LHFPL4: variants seen among roughly 807,000 people sequenced by gnomAD.
LHFPL4 encodes the protein LHFPL tetraspan subfamily member 4, also known as LHFPL tetraspan subfamily member 4 protein.
In LHFPL4, 6 loss-of-function variants were observed where a neutral mutation model predicts 20.0. The ratio of observed to expected loss-of-function variants is 0.30; its 90% CI spans 0.16 to 0.59. The LOEUF (loss-of-function observed/expected upper bound fraction) is 0.59. Ranked by LOEUF, LHFPL4 falls within the 20% of genes least tolerant of loss-of-function variation. LHFPL4 has a pLI of 0.88. For missense variants in LHFPL4, 215 were observed against 331.2 expected (o/e 0.65, Z 2.72); for synonymous variants, 129 against 143.8 (o/e 0.90, Z 0.74).
At chr3:9,508,276 T>C (rs1294489555) in intron 2 of LHFPL4, among the ~76,000 whole-genome samples, 1 of 151,992 alleles carries the variant, frequency 6.6e-6, no homozygotes, top group East Asian at 1.9e-4. Flanking sequence ...CCCCAACACG[T>C]GCTCCTCTTC....
intron 2 of LHFPL4, among the ~76,000 whole-genome samples, chr3:9,543,729 G>GTTTTTTTTTTT (rs58872967): frequency 2.5e-5 from 3 of 119,650 alleles, no homozygotes; most frequent in East Asian, 2.5e-4. Flanking sequence ...TTTGGTTTTG[G>GTTTTTTTTTTT]TTTTTTTTTT....
chr3:9,535,975 T>A (rs1178663603), intron 2 of LHFPL4, among the ~76,000 whole-genome samples: 1 of 152,190 alleles, frequency 6.6e-6, no homozygotes, highest in Non-Finnish European at 1.5e-5. Context: ...CTAATTTTTG[T>A]ATTTTTTTAG....
At chr3:9,509,244 C>CCA (rs2046241414) in intron 2 of LHFPL4, among the ~76,000 whole-genome samples, 4 of 146,320 alleles carry the variant, frequency 2.7e-5, no homozygotes, top group African/African-American at 1.0e-4. Context: ...TCTTCGCACC[C>CCA]CCCTCTCTCT....
At chr3:9,532,721 C>T (rs930533534) in intron 2 of LHFPL4, among the ~76,000 whole-genome samples, 1 of 152,202 alleles carries the variant, frequency 6.6e-6, no homozygotes, top group Non-Finnish European at 1.5e-5. Flanking sequence ...AGTTGCCCCT[C>T]TGTGCATGAC....
intron 2 of LHFPL4, among the ~76,000 whole-genome samples, chr3:9,519,912 G>A (rs567315376): frequency 6.6e-6 from 1 of 152,096 alleles, no homozygotes; most frequent in Non-Finnish European, 1.5e-5. Context: ...TCCTACTTTG[G>A]CCTCCCAAAG....
intron 2 of LHFPL4, among the ~76,000 whole-genome samples, chr3:9,540,011 C>T (rs1359124659): frequency 6.6e-6 from 1 of 152,208 alleles, no homozygotes; most frequent in African/African-American, 2.4e-5. Context: ...GGGAGTGTAA[C>T]TTTGTACAAC....
intron 2 of LHFPL4, among the ~76,000 whole-genome samples, chr3:9,520,767 C>G (rs2046332412): frequency 6.6e-6 from 1 of 152,118 alleles, no homozygotes; most frequent in African/African-American, 2.4e-5. Context: ...CCAATGTGTT[C>G]TGAAAGCAGA....
chr3:9,518,487 A>T (rs1384507847), intron 2 of LHFPL4, among the ~76,000 whole-genome samples: 6 of 152,050 alleles, frequency 3.9e-5, no homozygotes, highest in Non-Finnish European at 8.8e-5. Context: ...AATTCTTGTA[A>T]TTTCTTCCTT....
At chr3:9,535,056 A>G (rs1326302769) in intron 2 of LHFPL4, among the ~76,000 whole-genome samples, 1 of 152,184 alleles carries the variant, frequency 6.6e-6, no homozygotes, top group Non-Finnish European at 1.5e-5. Flanking sequence ...ATATCGATAC[A>G]GGAATATAGC....
chr3:9,538,930 C>T (rs1288390750), intron 2 of LHFPL4, among the ~76,000 whole-genome samples: 18 of 151,886 alleles, frequency 1.2e-4, no homozygotes, highest in Non-Finnish European at 1.3e-4. Flanking sequence ...GAACCCCTGA[C>T]CTCAGGTGAT....
chr3:9,529,246 C>G lies in LHFPL4; in HGVS notation c.406+23028G>C, dbSNP rs373766615. ...GTTTCACCATGTTGGCCAGGCTGGT[C>G]TCGAACTCCTGATCTTGTGATCCAC... On this transcript the variant is annotated intron_variant, in intron 2 of 3. Coordinates refer to ENST00000287585, the MANE Select transcript of LHFPL4 (RefSeq NM_198560.3). 8.8e-4 allele frequency among the ~76,000 whole-genome samples: 134 copies of G among 151,958 alleles called. 1 individual carries two copies. In the South Asian group the frequency reaches 9.2e-3, roughly 10 times the overall value.
At chr3:9,546,736 A>T (rs1255156573) in intron 2 of LHFPL4, among the ~76,000 whole-genome samples, 1 of 152,154 alleles carries the variant, frequency 6.6e-6, no homozygotes, top group East Asian at 1.9e-4. Flanking sequence ...TCCAAACTCT[A>T]AGTGTCAAAG....
chr3:9,505,722 C>G (rs547948549), intron 3 of LHFPL4, among the ~76,000 whole-genome samples: 1 of 152,268 alleles, frequency 6.6e-6, no homozygotes, highest in South Asian at 2.1e-4. Context: ...CCGTGCCCAG[C>G]CCAGTTTTTG....
intron 2 of LHFPL4, among the ~76,000 whole-genome samples, chr3:9,524,011 C>T (rs2046358167): frequency 7.5e-6 from 1 of 133,834 alleles, no homozygotes; most frequent in Admixed American, 7.8e-5. Context: ...TTAAATATTT[C>T]ACTCCATTCT....
At chr3:9,543,729 G>GTTTT (rs58872967) in intron 2 of LHFPL4, among the ~76,000 whole-genome samples, 1,554 of 119,594 alleles carry the variant, frequency 0.013, 60 homozygotes, top group African/African-American at 0.035. Flanking sequence ...TTTGGTTTTG[G>GTTTT]TTTTTTTTTT....
chr3:9,547,052 G>A (rs1023375998), intron 2 of LHFPL4, among the ~76,000 whole-genome samples: 1 of 152,166 alleles, frequency 6.6e-6, no homozygotes, highest in African/African-American at 2.4e-5. Context: ...GCAGCGGCAT[G>A]ATCATGGCTC....
intron 2 of LHFPL4, among the ~76,000 whole-genome samples, chr3:9,523,380 CAAAAAAAGAAAAAGAAAA>C (rs139317413): frequency 0.35 from 47,007 of 134,564 alleles, 7,759 homozygotes; most frequent in Middle Eastern, 0.4. Flanking sequence ...GACTTCGTCT[CAAAAAAAGAAAAAGAAAA>C]AAAAAAAGAA....
At position 9,517,742 on chromosome 3, in the gene LHFPL4, T is replaced by G. The variant is rs376315363; in HGVS notation, c.407-11539A>C. Among the ~76,000 whole-genome samples, 192 of 150,470 alleles carry G rather than the reference T, an allele frequency of 1.3e-3. 1 individual carries two copies. The highest frequency in any genetic ancestry group is 4.5e-3 in the African/African-American group (185 of 41,130). On this transcript the variant is annotated intron_variant, in intron 2 of 3. Coordinates refer to ENST00000287585, the MANE Select transcript of LHFPL4 (RefSeq NM_198560.3). ...CATTTCTGGTACATAGGAAAATGAT[T>G]AACTTTTCTATATTGACGTTATATT... is the stretch of plus-strand genomic sequence containing the variant.
chr3:9,544,226 T>G (rs1465634833), intron 2 of LHFPL4, among the ~76,000 whole-genome samples: 1 of 151,914 alleles, frequency 6.6e-6, no homozygotes, highest in African/African-American at 2.4e-5. Flanking sequence ...CCTTCCAAAT[T>G]TTGTCTCTTG....
Sources: allele counts gnomAD v4.1 joint callset (sites outside exome capture counted in the v4.1 genomes callset), GRCh38; gene constraint gnomAD v4.1.1; transcripts MANE v1.5; gene names NCBI Gene and HGNC (gene_info 2026-07-23, HGNC 2026-07-21).